Variants in MTCL2 observed in about 807,000 individuals in gnomAD.
MTCL2 encodes the protein microtubule cross-linking factor 2.
At chr20:36,841,914 T>C in the MTCL2 span, among the ~76,000 whole-genome samples, 1 of 150,970 alleles carries the variant, frequency 6.6e-6, no homozygotes, top group East Asian at 1.9e-4. Context: ...TGTGTGTGTG[T>C]GTGTATACAG....
At chr20:36,777,814 A>G in the MTCL2 span, 4 of 618,748 alleles carry the variant, frequency 6.5e-6, no homozygotes, top group Non-Finnish European at 1.1e-5. Flanking sequence ...CAGGATGAGG[A>G]GGAAGGGCAG....
At chr20:36,820,335 A>C in the MTCL2 span, among the ~76,000 whole-genome samples, 1 of 152,220 alleles carries the variant, frequency 6.6e-6, no homozygotes, top group Non-Finnish European at 1.5e-5. Flanking sequence ...GGGGTCAGGC[A>C]TCACATGTGA....
At chr20:36,819,883 C>G in the MTCL2 span, among the ~76,000 whole-genome samples, 1 of 152,270 alleles carries the variant, frequency 6.6e-6, no homozygotes, top group Non-Finnish European at 1.5e-5. Flanking sequence ...GAAGTGCTGA[C>G]CTGGGAGCTT....
the MTCL2 span, among the ~76,000 whole-genome samples, chr20:36,796,239 G>A: frequency 1.3e-5 from 2 of 152,316 alleles, no homozygotes; most frequent in Middle Eastern, 3.4e-3. Context: ...ACTTCAAGAG[G>A]CAGCTCCTAT....
chr20:36,805,838 G>A, the MTCL2 span: 1 of 1,594,378 alleles, frequency 6.3e-7, no homozygotes, highest in Non-Finnish European at 8.5e-7. Flanking sequence ...GACCGGGAAG[G>A]GGCTGGAAAC....
the MTCL2 span, chr20:36,786,715 C>T: frequency 7.4e-7 from 1 of 1,359,474 alleles, no homozygotes; most frequent in Non-Finnish European, 1.0e-6. Context: ...TGTGGTATGC[C>T]AGGCAAGGAA....
the MTCL2 span, among the ~76,000 whole-genome samples, chr20:36,850,714 A>C: frequency 6.6e-6 from 1 of 152,188 alleles, no homozygotes; most frequent in East Asian, 1.9e-4. Flanking sequence ...CAGTACAGTG[A>C]GTGATTTTTT....
At chr20:36,802,832 C>T in the MTCL2 span, 187 of 1,571,478 alleles carry the variant, frequency 1.2e-4, no homozygotes, top group Non-Finnish European at 1.5e-4. Flanking sequence ...CGGGTGGAAG[C>T]GGCTTGGCAG....
chr20:36,847,789 G>C, the MTCL2 span, among the ~76,000 whole-genome samples: 1 of 150,688 alleles, frequency 6.6e-6, no homozygotes, highest in Non-Finnish European at 1.5e-5. Context: ...GGGAGGTTGA[G>C]GCTGCAATAA....
the MTCL2 span, chr20:36,815,354 C>T: frequency 1.2e-6 from 2 of 1,613,762 alleles, no homozygotes; most frequent in East Asian, 2.2e-5. The surrounding 1 kb of genome is among the most constrained non-coding windows in gnomAD (Gnocchi z 5.3). Context: ...TGTCGGGGGC[C>T]TCATGCAGCC....
the MTCL2 span, among the ~76,000 whole-genome samples, chr20:36,844,020 G>A: frequency 6.6e-6 from 1 of 151,348 alleles, no homozygotes; most frequent in African/African-American, 2.4e-5. Flanking sequence ...GGCAGATCAC[G>A]ATGTCAGGAG....
At chr20:36,793,726 C>T in the MTCL2 span, 2 of 1,544,176 alleles carry the variant, frequency 1.3e-6, no homozygotes, top group Non-Finnish European at 8.7e-7. This position sits in a 1 kb window ranked among gnomAD's most constrained non-coding sequence, Gnocchi z 6.8. Flanking sequence ...TGCTGCTGTC[C>T]AGCTTGGACA....
the MTCL2 span, among the ~76,000 whole-genome samples, chr20:36,789,479 T>A: frequency 1.3e-5 from 2 of 152,026 alleles, no homozygotes; most frequent in Non-Finnish European, 2.9e-5. Context: ...CTGGCCAACA[T>A]GGTGAAACCC....
the MTCL2 span, chr20:36,781,557 G>A: frequency 6.6e-6 from 1 of 150,898 alleles, no homozygotes. Context: ...GAAAAAGGAA[G>A]ATGACCTGGC....
chr20:36,800,163 T>A, the MTCL2 span, among the ~76,000 whole-genome samples: 1 of 152,190 alleles, frequency 6.6e-6, no homozygotes, highest in Admixed American at 6.5e-5. Flanking sequence ...AAGTCTCTGA[T>A]GTGAGAACAA....
At chr20:36,834,976 C>CAA in the MTCL2 span, among the ~76,000 whole-genome samples, 1 of 151,692 alleles carries the variant, frequency 6.6e-6, no homozygotes, top group East Asian at 1.9e-4. Context: ...GCCTGGGTGA[C>CAA]AGAGTGAGAC....
At chr20:36,794,294 C>G in the MTCL2 span, 28 of 1,553,968 alleles carry the variant, frequency 1.8e-5, no homozygotes, top group Non-Finnish European at 2.4e-5. The surrounding 1 kb of genome is among the most constrained non-coding windows in gnomAD (Gnocchi z 5.4). Flanking sequence ...CACAGGGACT[C>G]CGAGGCGCCG....
the MTCL2 span, among the ~76,000 whole-genome samples, chr20:36,860,257 G>A: frequency 3.3e-5 from 5 of 152,182 alleles, no homozygotes; most frequent in East Asian, 1.9e-4. Context: ...TTGGCTCCAC[G>A]GCATCCTGCA....
chr20:36,826,552 A>AT, the MTCL2 span, among the ~76,000 whole-genome samples: 1 of 150,302 alleles, frequency 6.7e-6, no homozygotes, highest in Non-Finnish European at 1.5e-5. Flanking sequence ...TAAATTTCGT[A>AT]TTTTTTGTAG....
Sources: allele counts gnomAD v4.1 joint callset (sites outside exome capture counted in the v4.1 genomes callset), GRCh38; gene constraint gnomAD v4.1.1; non-coding constraint Gnocchi (gnomAD v3.1); transcripts MANE v1.5; gene names NCBI Gene and HGNC (gene_info 2026-07-23, HGNC 2026-07-21).